Variants in CSRP1 observed in about 807,000 individuals in gnomAD.
The protein encoded by CSRP1 is cysteine and glycine rich protein 1.
In CSRP1, 16 loss-of-function variants were observed where a neutral mutation model predicts 25.4. That is an observed-to-expected ratio of 0.63 (90% CI 0.43 to 0.96). The LOEUF (loss-of-function observed/expected upper bound fraction) is 0.96, where lower values mean the gene tolerates loss of function less well. Among genes scored for constraint, CSRP1 ranks in the 40% least tolerant of loss-of-function variants. CSRP1 has a pLI of 0.00. For synonymous variants in CSRP1, 97 were observed against 95.3 expected (o/e 1.02, Z -0.10); for missense variants, 212 against 243.6 (o/e 0.87, Z 0.86).
At chr1:201,498,568 G>A (rs747419233) in intron 1 of CSRP1, among the ~76,000 whole-genome samples, 2 of 152,210 alleles carry the variant, frequency 1.3e-5, no homozygotes, top group African/African-American at 2.4e-5. Flanking sequence ...CAATGTCAAG[G>A]GCAGAGGGAG....
At position 201,489,050 on chromosome 1, in the gene CSRP1, A is replaced by G. The variant is rs575495807; in HGVS notation, c.282-66T>C. ...AAGTACAGGTGGGGCTGGCACTGAGAGGGCATGACCCTACCTTCATCTCAT... is the reference window on the plus strand; with the variant it reads ...AAGTACAGGTGGGGCTGGCACTGAGGGGGCATGACCCTACCTTCATCTCAT... On this transcript the variant is annotated intron_variant, in intron 3 of 5. Coordinates refer to ENST00000340006, the MANE Select transcript of CSRP1 (RefSeq NM_004078.3). 5 of 1,598,476 alleles carry G rather than the reference A, an allele frequency of 3.1e-6. No homozygotes were observed. In the South Asian group the frequency reaches 4.5e-5, roughly 14 times the overall value.
chr1:201,483,951 A>G lies in CSRP1; in HGVS notation c.*762T>C, dbSNP rs191178749. ...AAGGCCAGAGATAAATGAAGATTTG[A>G]GCCATTGATAAATGCCAATATATGT... is the stretch of plus-strand genomic sequence containing the variant. On this transcript the variant is annotated 3_prime_UTR_variant, in exon 6 of 6. Coordinates refer to ENST00000340006, the MANE Select transcript of CSRP1 (RefSeq NM_004078.3). The G allele has an allele frequency of 4.8e-3, 3,240 of 680,032 alleles. 11 individuals are homozygous for G. The highest frequency in any genetic ancestry group is 5.9e-3 in the Non-Finnish European group (2,180 of 366,618). 42.1% of individuals were successfully genotyped at this position (680,032 alleles called of 1,614,324 possible).
chr1:201,495,170 C>A (rs1411991445), intron 2 of CSRP1, among the ~76,000 whole-genome samples: 2 of 152,304 alleles, frequency 1.3e-5, no homozygotes, highest in Admixed American at 6.5e-5. Flanking sequence ...CTGAGGTGGG[C>A]AGACTGCTTA....
Position 201,483,902 on chromosome 1 carries a change from G to A in CSRP1, c.*811C>T. On this transcript the variant is annotated 3_prime_UTR_variant, in exon 6 of 6. Transcript: ENST00000340006. ...CAGAGCCCTGGCCTGGGCTCTGCTG[G>A]CCGCAGCCTCAGGAGCCAGGGTTAA... 1 of 647,600 alleles carries A rather than the reference G, an allele frequency of 1.5e-6. No homozygotes were observed. Among genetic ancestry groups the A allele is most frequent in the South Asian group, 1.6e-5 (1 of 61,350 alleles). The allele number at this position is 647,600 out of a possible 1,614,324, so 40.1% of individuals were successfully genotyped here.
chr1:201,498,542 C>T (rs558522521), intron 1 of CSRP1, among the ~76,000 whole-genome samples: 1 of 152,326 alleles, frequency 6.6e-6, no homozygotes, highest in South Asian at 2.1e-4. Flanking sequence ...AGGGCTTGCA[C>T]CAGCAGCTGG....
intron 2 of CSRP1, chr1:201,495,885 T>C (rs1664493914): frequency 6.6e-6 from 2 of 302,024 alleles, no homozygotes; most frequent in Non-Finnish European, 6.1e-6. Context: ...GGTGAAATCA[T>C]GACAGGGAGA....
chr1:201,498,865 T>C (rs1245608765), intron 1 of CSRP1, among the ~76,000 whole-genome samples: 1 of 152,190 alleles, frequency 6.6e-6, no homozygotes, highest in Non-Finnish European at 1.5e-5. Context: ...CAGAGCTTAC[T>C]GTGGGGAAGT....
At chr1:201,497,758 T>C (rs1358201075) in intron 1 of CSRP1, among the ~76,000 whole-genome samples, 2 of 152,142 alleles carry the variant, frequency 1.3e-5, no homozygotes, top group Non-Finnish European at 2.9e-5. Context: ...ATGCCTGTAA[T>C]CCCAGCACTT....
chr1:201,504,605 C>T (rs2102417740), intron 1 of CSRP1, among the ~76,000 whole-genome samples: 1 of 152,278 alleles, frequency 6.6e-6, no homozygotes, highest in Middle Eastern at 3.4e-3. Flanking sequence ...AACAACCTGC[C>T]AGAAAAGCCT....
At chr1:201,503,630 G>A (rs116406439) in intron 1 of CSRP1, among the ~76,000 whole-genome samples, 2,380 of 152,242 alleles carry the variant, frequency 0.016, 31 homozygotes, top group South Asian at 0.028. Flanking sequence ...AGCTGCCCCC[G>A]TATTTACACA....
intron 4 of CSRP1, chr1:201,486,881 T>C: frequency 8.1e-7 from 1 of 1,233,820 alleles, no homozygotes; most frequent in South Asian, 1.5e-5. Flanking sequence ...TAGTGATTCT[T>C]AGCTATTCTT....
chr1:201,490,046 T>A, intron 3 of CSRP1, 130 bp downstream of exon 3: 1 of 910,140 alleles, frequency 1.1e-6, no homozygotes, highest in Non-Finnish European at 1.6e-6. Flanking sequence ...GCTCTGTGAC[T>A]GCCTTTTAAA....
intron 1 of CSRP1, among the ~76,000 whole-genome samples, chr1:201,503,711 C>T (rs1027949365): frequency 1.3e-5 from 2 of 152,196 alleles, no homozygotes; most frequent in South Asian, 2.1e-4. Context: ...AGTACAGGCA[C>T]GTCATTACCA....
chr1:201,485,890 C>T (rs914956038), intron 4 of CSRP1: 3 of 153,644 alleles, frequency 2.0e-5, no homozygotes, highest in African/African-American at 7.2e-5. Context: ...TAGGACTTTC[C>T]CTGCTGAGTT....
At chr1:201,499,238 C>G (rs1011494434) in intron 1 of CSRP1, among the ~76,000 whole-genome samples, 2 of 152,184 alleles carry the variant, frequency 1.3e-5, no homozygotes, top group African/African-American at 4.8e-5. Context: ...GTGTTATGGT[C>G]GGCCTGATCA....
At chr1:201,494,858 G>A (rs539127917) in intron 2 of CSRP1, among the ~76,000 whole-genome samples, 148 of 152,292 alleles carry the variant, frequency 9.7e-4, no homozygotes, top group African/African-American at 3.3e-3. Flanking sequence ...ACGTGTGTGC[G>A]CATGTGTGTG....
At chr1:201,498,877 G>C (rs1365247860) in intron 1 of CSRP1, among the ~76,000 whole-genome samples, 3 of 152,202 alleles carry the variant, frequency 2.0e-5, no homozygotes, top group African/African-American at 7.2e-5. Context: ...TGGGGAAGTG[G>C]TGTTAGTGAT....
intron 4 of CSRP1, chr1:201,486,199 T>C (rs1664136685): frequency 4.2e-6 from 1 of 237,460 alleles, no homozygotes; most frequent in Non-Finnish European, 6.8e-6. Flanking sequence ...ACATGCATTC[T>C]GTAACACAGG....
At chr1:201,491,006 C>T (rs1315199946) in intron 2 of CSRP1, 1 of 152,274 alleles carries the variant, frequency 6.6e-6, no homozygotes, top group East Asian at 1.9e-4. Flanking sequence ...CACAGAAGAA[C>T]TTCCTGACTC....
Sources: allele counts gnomAD v4.1 joint callset (sites outside exome capture counted in the v4.1 genomes callset), GRCh38; gene constraint gnomAD v4.1.1; transcripts MANE v1.5; gene names NCBI Gene and HGNC (gene_info 2026-07-23, HGNC 2026-07-21).